The following PID1 variants were observed in gnomAD, a reference collection of about 807,000 sequenced individuals.
The protein encoded by PID1 is phosphotyrosine interaction domain containing 1, also known as PTB-containing, cubilin and LRP1-interacting protein.
In PID1, 10 loss-of-function variants were observed where a neutral mutation model predicts 19.1. The observed-to-expected ratio is 0.52, with a 90% CI of 0.32 to 0.89. The LOEUF (loss-of-function observed/expected upper bound fraction) is 0.89, where lower values mean the gene tolerates loss of function less well. PID1 is among the 40% of genes least tolerant of loss of function. The pLI is 0.03. For synonymous variants in PID1, 130 were observed against 116.0 expected (o/e 1.12, Z -0.78); for missense variants, 248 against 285.3 (o/e 0.87, Z 0.94).
chr2:229,083,839 C>G (rs878987621), intron 2 of PID1, among the ~76,000 whole-genome samples: 1 of 152,156 alleles, frequency 6.6e-6, no homozygotes, highest in African/African-American at 2.4e-5. Context: ...AAACAGCCAA[C>G]GCCACAAGAG....
intron 2 of PID1, among the ~76,000 whole-genome samples, chr2:229,066,170 A>C (rs2765935): frequency 6.6e-6 from 1 of 152,182 alleles, no homozygotes. Context: ...AATAGGAGCC[A>C]GCATACGGTA....
At chr2:229,079,197 C>G (rs758921) in intron 2 of PID1, among the ~76,000 whole-genome samples, 63,986 of 151,896 alleles carry the variant, frequency 0.42, 14,196 homozygotes, top group East Asian at 0.72. Flanking sequence ...CGGTCTAAGT[C>G]GGGGCTGAGA....
At chr2:229,154,167 G>T (rs1478158523) in intron 2 of PID1, among the ~76,000 whole-genome samples, 1 of 152,068 alleles carries the variant, frequency 6.6e-6, no homozygotes, top group Non-Finnish European at 1.5e-5. Context: ...ACTTTAAAAT[G>T]AGTCACATAG....
At chr2:229,163,993 T>G (rs531314123) in intron 1 of PID1, among the ~76,000 whole-genome samples, 1 of 152,312 alleles carries the variant, frequency 6.6e-6, no homozygotes, top group East Asian at 1.9e-4. Flanking sequence ...TATATTTCCA[T>G]GTCTTTTGAA....
chr2:229,161,901 C>A (rs1690499422), intron 1 of PID1, among the ~76,000 whole-genome samples: 1 of 152,116 alleles, frequency 6.6e-6, no homozygotes, highest in African/African-American at 2.4e-5. Context: ...TTAGCCATGT[C>A]AAAAACAGTA....
intron 2 of PID1, among the ~76,000 whole-genome samples, chr2:229,124,565 C>T (rs1475173316): frequency 1.3e-5 from 2 of 152,234 alleles, no homozygotes; most frequent in South Asian, 4.1e-4. Context: ...CTTTTTCTCA[C>T]ACTTCATATT....
At chr2:229,094,770 T>C (rs1329257791) in intron 2 of PID1, among the ~76,000 whole-genome samples, 3 of 151,928 alleles carry the variant, frequency 2.0e-5, no homozygotes, top group African/African-American at 4.8e-5. Flanking sequence ...TCTCACCATA[T>C]ACAAAAATTC....
intron 2 of PID1, among the ~76,000 whole-genome samples, chr2:229,149,769 G>C (rs1199602839): frequency 6.6e-6 from 1 of 152,208 alleles, no homozygotes; most frequent in African/African-American, 2.4e-5. Context: ...CTCAAGAGGA[G>C]ACAAGATTTG....
At position 229,201,440 on chromosome 2, in the gene PID1, GGC is replaced by G. The variant is rs1444151310; in HGVS notation, c.31-45478_31-45477del. The stretch of plus-strand genomic sequence containing the variant: ...TGCCCTCAAGGTTCATCCATGTCGT[GGC>G]ATGTGTCAGAATTCCCTTCCTGTTT... On this transcript the variant is annotated intron_variant, in intron 1 of 2. Coordinates refer to ENST00000392055, the MANE Select transcript of PID1 (RefSeq NM_001100818.2). Among the ~76,000 whole-genome samples the G allele has an allele frequency of 5.9e-5, 9 of 151,948 alleles. No homozygotes were observed. The South Asian group carries it at 8.3e-4, about 14-fold the overall frequency.
At chr2:229,113,592 A>ACATG (rs1491156183) in intron 2 of PID1, among the ~76,000 whole-genome samples, 10 of 53,170 alleles carry the variant, frequency 1.9e-4, no homozygotes, top group African/African-American at 5.4e-4. Context: ...GTGTGTATGC[A>ACATG]TATATGTGTG....
chr2:229,174,955 GC>G (rs1690788664), intron 1 of PID1, among the ~76,000 whole-genome samples: 1 of 152,088 alleles, frequency 6.6e-6, no homozygotes, highest in Non-Finnish European at 1.5e-5. Flanking sequence ...TGAACACTAA[GC>G]CTTGGCATCC....
intron 2 of PID1, among the ~76,000 whole-genome samples, chr2:229,066,965 C>T (rs140331067): frequency 3.3e-5 from 5 of 152,208 alleles, no homozygotes; most frequent in African/African-American, 1.2e-4. Flanking sequence ...AGACTGTTCT[C>T]ACACTGCTAT....
intron 1 of PID1, among the ~76,000 whole-genome samples, chr2:229,179,800 T>G (rs932349960): frequency 1.3e-5 from 2 of 152,228 alleles, no homozygotes; most frequent in African/African-American, 2.4e-5. Flanking sequence ...CAGCTGCGTG[T>G]AGGTCATTTG....
intron 1 of PID1, 131 bp downstream of exon 1, chr2:229,270,883 A>G (rs370809152): frequency 1.4e-6 from 1 of 728,784 alleles, no homozygotes; most frequent in Non-Finnish European, 2.2e-6. Context: ...CGACAGCATC[A>G]TGTTGCCATC....
chr2:229,228,719 A>T (rs1237306468), intron 1 of PID1, among the ~76,000 whole-genome samples: 2 of 117,172 alleles, frequency 1.7e-5, no homozygotes, highest in Non-Finnish European at 1.8e-5. Context: ...ACACTCTTTC[A>T]GATTTAAACA....
intron 1 of PID1, among the ~76,000 whole-genome samples, chr2:229,177,706 C>A (rs952018529): frequency 5.3e-5 from 8 of 152,146 alleles, no homozygotes; most frequent in African/African-American, 1.9e-4. Context: ...GAACAACTAT[C>A]CAGTTGAACC....
intron 2 of PID1, among the ~76,000 whole-genome samples, chr2:229,133,945 G>C (rs1337084247): frequency 6.6e-6 from 1 of 151,424 alleles, no homozygotes; most frequent in East Asian, 2.0e-4. Context: ...CCCTGAGTTG[G>C]ATAATTCTTA....
At chr2:229,064,109 G>C (rs1694272010) in intron 2 of PID1, among the ~76,000 whole-genome samples, 1 of 152,130 alleles carries the variant, frequency 6.6e-6, no homozygotes, top group African/African-American at 2.4e-5. Context: ...CCATTCAAGT[G>C]TTTCAAGAAG....
intron 1 of PID1, among the ~76,000 whole-genome samples, chr2:229,222,781 C>CA (rs1191786676): frequency 2.0e-5 from 3 of 151,990 alleles, no homozygotes; most frequent in African/African-American, 7.2e-5. Flanking sequence ...GAACCTACAC[C>CA]ATCAGCTCTG....
Sources: allele counts gnomAD v4.1 joint callset (sites outside exome capture counted in the v4.1 genomes callset), GRCh38; gene constraint gnomAD v4.1.1; transcripts MANE v1.5; gene names NCBI Gene and HGNC (gene_info 2026-07-23, HGNC 2026-07-21).